The following SLC2A5 variants were observed in gnomAD, a reference collection of about 807,000 sequenced individuals.
SLC2A5 encodes the protein solute carrier family 2 member 5.
SLC2A5 carries 56 observed loss-of-function variants against 50.3 expected under a neutral mutation model. The observed-to-expected ratio is 1.11, with a 90% CI of 0.90 to 1.39. The LOEUF is 1.39. SLC2A5 is among the 40% of genes most tolerant of loss of function. The pLI is 0.00. For missense variants in SLC2A5, 566 were observed against 650.1 expected (o/e 0.87, Z 1.41); for synonymous variants, 269 against 281.9 (o/e 0.95, Z 0.46).
intron 3 of SLC2A5, among the ~76,000 whole-genome samples, chr1:9,053,038 C>CTATTATATATTAATATATAATATA (rs1557669676): frequency 3.1e-5 from 3 of 97,520 alleles, no homozygotes; most frequent in African/African-American, 8.4e-5. Context: ...GGGTCTTACT[C>CTATTATATATTAATATATAATATA]TATTATATAT....
chr1:9,054,794 C>T (rs1025962953), intron 3 of SLC2A5, among the ~76,000 whole-genome samples: 1 of 152,042 alleles, frequency 6.6e-6, no homozygotes, highest in African/African-American at 2.4e-5. Context: ...CACCATGGCA[C>T]ACACCTATAG....
chr1:9,039,755 C>A, intron 7 of SLC2A5, 45 bp downstream of exon 7: 4 of 1,434,936 alleles, frequency 2.8e-6, no homozygotes, highest in Non-Finnish European at 2.7e-6. Flanking sequence ...GCGCCCCGCG[C>A]CCCCCGAGCC....
intron 1 of SLC2A5, among the ~76,000 whole-genome samples, chr1:9,064,670 T>G (rs1488356028): frequency 6.6e-6 from 1 of 152,184 alleles, no homozygotes; most frequent in Non-Finnish European, 1.5e-5. Context: ...CTGCCTGCTA[T>G]GTGGACTCTA....
intron 1 of SLC2A5, among the ~76,000 whole-genome samples, 186 bp from the exon 2 acceptor site, chr1:9,058,436 A>C (rs1427683042): frequency 6.6e-6 from 1 of 152,170 alleles, no homozygotes; most frequent in Non-Finnish European, 1.5e-5. Context: ...CACTTTTGAC[A>C]CTTGGGGTCT....
intron 2 of SLC2A5, among the ~76,000 whole-genome samples, chr1:9,077,213 A>C (rs1642293517): frequency 6.6e-6 from 1 of 150,950 alleles, no homozygotes; most frequent in African/African-American, 2.4e-5. Flanking sequence ...TAGTCTGGCC[A>C]AAATGGTAAG....
chr1:9,084,093 G>A (rs1011012060), intron 2 of SLC2A5, among the ~76,000 whole-genome samples: 1 of 151,940 alleles, frequency 6.6e-6, no homozygotes, highest in African/African-American at 2.4e-5. Flanking sequence ...GCAGTGAGCC[G>A]AGATAGCGCC....
At position 9,059,724 on chromosome 1, in the gene SLC2A5, G is replaced by A. The variant is rs185041772; in HGVS notation, c.34-1474C>T. ...AAAAAATATATTTTTATAGAGACAG[G>A]GGTCTCATTATATTGTCCAAGCTGG... On this transcript the variant is annotated intron_variant, in intron 1 of 11. Transcript: ENST00000377424. 2.0e-5 allele frequency among the ~76,000 whole-genome samples: 3 copies of A among 151,010 alleles called. No individual in the cohort carries two copies. The East Asian group carries it at 5.8e-4, about 29-fold the overall frequency.
chr1:9,063,698 T>C (rs1642005871), intron 1 of SLC2A5, among the ~76,000 whole-genome samples: 1 of 103,058 alleles, frequency 9.7e-6, no homozygotes, highest in African/African-American at 4.6e-5. Context: ...TTTTTTTTTT[T>C]TTTTTTTTTT....
chr1:9,051,021 G>T (rs1416319723), intron 3 of SLC2A5, among the ~76,000 whole-genome samples: 1 of 152,110 alleles, frequency 6.6e-6, no homozygotes, highest in Admixed American at 6.6e-5. Context: ...ACGTGAAAGG[G>T]CCTCTCAGAA....
intron 2 of SLC2A5, among the ~76,000 whole-genome samples, chr1:9,076,003 T>G (rs1414908646): frequency 6.7e-6 from 1 of 148,962 alleles, no homozygotes; most frequent in Non-Finnish European, 1.5e-5. Context: ...TTGCCCAGGC[T>G]GGGGTGCAGT....
intron 2 of SLC2A5, among the ~76,000 whole-genome samples, chr1:9,083,538 C>A (rs577169878): frequency 6.6e-6 from 1 of 152,290 alleles, no homozygotes; most frequent in South Asian, 2.1e-4. Context: ...ACATACTAAA[C>A]CCTGCGGGGT....
intron 2 of SLC2A5, among the ~76,000 whole-genome samples, chr1:9,084,071 G>C (rs929344333): frequency 2.6e-5 from 4 of 152,012 alleles, no homozygotes; most frequent in African/African-American, 4.8e-5. Context: ...GTGAACCTGG[G>C]AGGCGGAGAT....
chr1:9,069,419 G>GC, intron 1 of SLC2A5, 85 bp downstream of exon 1: 4 of 1,393,056 alleles, frequency 2.9e-6, no homozygotes, highest in Middle Eastern at 1.8e-4. Context: ...AACACCAGGA[G>GC]CCCCCCAGCG....
At chr1:9,072,753 C>T (rs541725107), upstream of SLC2A5, among the ~76,000 whole-genome samples, 1 of 150,118 alleles carries the variant, frequency 6.7e-6, no homozygotes, top group Non-Finnish European at 1.5e-5. Context: ...AGTTCGAGAC[C>T]AGCCTGGCCA....
In SLC2A5 at chr1:9,038,849, G is replaced by A; in HGVS notation, c.1077C>T (p.Leu359=). 1 of 1,611,866 alleles carries A rather than the reference G, an allele frequency of 6.2e-7. No homozygotes were observed. ...FSICLIACCV[L]TAALALQDTV... is the part of the protein sequence containing the mutation. ...TCACCTGCAGTGCCAGAGCTGCAGT[G>A]AGCACGCAGCAGGCTATGAGGCAGA... is the stretch of plus-strand genomic sequence containing the variant. Residue 359 remains leucine (L), a synonymous_variant, in exon 9 of 12, where the codon CTC becomes CTT. Coordinates refer to ENST00000377424, the MANE Select transcript of SLC2A5 (RefSeq NM_003039.3).
At chr1:9,054,479 G>A (rs1431548948) in intron 3 of SLC2A5, among the ~76,000 whole-genome samples, 1 of 152,134 alleles carries the variant, frequency 6.6e-6, no homozygotes, top group Non-Finnish European at 1.5e-5. Context: ...AAATGGAAGA[G>A]TAAAGGAGCA....
In SLC2A5 at chr1:9,038,071, G is replaced by A. The variant is rs1462791595; in HGVS notation, c.1175-47C>T. 4 of 1,603,574 alleles carry A rather than the reference G, an allele frequency of 2.5e-6. No individual in the cohort carries two copies. The African/African-American group carries it at 5.3e-5, about 21-fold the overall frequency. On this transcript the variant is annotated intron_variant, in intron 10 of 11. Transcript: ENST00000377424. ...CTCCCTGAAGGCAGAGCGGGCCCGA[G>A]CATCCCAGGCCTGGCCATGCAGACC...
At chr1:9,050,947 C>T (rs915615596) in intron 3 of SLC2A5, among the ~76,000 whole-genome samples, 1 of 152,102 alleles carries the variant, frequency 6.6e-6, no homozygotes, top group Non-Finnish European at 1.5e-5. Flanking sequence ...CATACAGCGT[C>T]AACTGGACTG....
chr1:9,075,693 T>C (rs1401434680), intron 2 of SLC2A5, among the ~76,000 whole-genome samples: 1 of 152,148 alleles, frequency 6.6e-6, no homozygotes, highest in Non-Finnish European at 1.5e-5. Flanking sequence ...GAAGTCTCAC[T>C]CTTGTCCCCC....
Sources: gnomAD v4.1 joint callset for allele counts (sites outside exome capture counted in the v4.1 genomes callset) on GRCh38, gnomAD v4.1.1 for gene constraint, MANE v1.5 for transcripts, NCBI Gene and HGNC (gene_info 2026-07-23, HGNC 2026-07-21) for gene names.